Variants in CATSPERG observed in about 807,000 individuals in gnomAD.
CATSPERG encodes catsper channel auxiliary subunit gamma.
Under a neutral mutation model 145.0 loss-of-function variants are expected in CATSPERG, and 115 were observed. The observed-to-expected ratio is 0.79, with a 90% CI of 0.68 to 0.93. The LOEUF is 0.93. CATSPERG is among the 40% of genes least tolerant of loss of function. CATSPERG has a pLI of 0.00. For synonymous variants in CATSPERG, 588 were observed against 589.0 expected (o/e 1.00, Z 0.02); for missense variants, 1,296 against 1,490.1 (o/e 0.87, Z 2.14).
intron 1 of CATSPERG, chr19:38,336,148 A>G (rs766284596): frequency 1.1e-4 from 49 of 454,882 alleles, no homozygotes; most frequent in African/African-American, 8.2e-4. Context: ...ATGGCATGGG[A>G]AGGAAGAGTA....
At chr19:38,341,926 A>C (rs969079866) in intron 3 of CATSPERG, among the ~76,000 whole-genome samples, 8 of 151,812 alleles carry the variant, frequency 5.3e-5, no homozygotes, top group Admixed American at 2.0e-4. Context: ...AAAATAAAAA[A>C]ATTAGCCAGG....
Position 38,367,313 on chromosome 19 carries a change from G to GT in CATSPERG, c.2770+2dup, listed in dbSNP as rs1568383974. 6.2e-7 allele frequency: 1 copy of GT among 1,610,356 alleles called. No homozygotes were observed. The highest frequency in any genetic ancestry group is 1.7e-4 in the Middle Eastern group (1 of 6,058). On this transcript the variant is annotated splice_donor_variant, in intron 23 of 28. Coordinates refer to ENST00000409235, the MANE Select transcript of CATSPERG (RefSeq NM_021185.5). LOFTEE classifies it high-confidence loss of function. ...ATGCCCTGCTTTCTCTTCCGGGACA[G>GT]TGTGTGTCCAGTCCCTTCCCCTGCA...
intron 26 of CATSPERG, among the ~76,000 whole-genome samples, chr19:38,369,031 T>C (rs1970502724): frequency 1.3e-5 from 2 of 152,120 alleles, no homozygotes; most frequent in Non-Finnish European, 2.9e-5. Flanking sequence ...TAACATAGCA[T>C]GTATTGAATG....
intron 1 of CATSPERG, chr19:38,336,925 G>T (rs550554532): frequency 4.1e-4 from 200 of 490,456 alleles, no homozygotes; most frequent in Non-Finnish European, 6.1e-4. Flanking sequence ...GCAGAGGTGC[G>T]ATACCCACGA....
Position 38,354,829 on chromosome 19 carries a change from C to T in CATSPERG, c.1117C>T (p.His373Tyr), listed in dbSNP as rs1970214489. The T allele has an allele frequency of 6.2e-7, 1 of 1,614,066 alleles. No homozygotes were observed. Among genetic ancestry groups the T allele is most frequent in the African/African-American group, 1.3e-5 (1 of 75,024 alleles). ...CACGGGCAAGCATGAGGGTTATGTA[C>T]ACTTCGGGACCATCAGAGGTAAGGG... The part of the protein sequence containing the change: ...LTTGKHEGYV[H>Y]FGTIRDGQVS... The change falls in exon 9 of 29, where the codon CAC becomes TAC. Residue 373 changes from histidine (H) to tyrosine (Y), a missense_variant. Physicochemically the swap from His to Tyr is moderately conservative, Grantham distance 83. Coordinates refer to ENST00000409235, the MANE Select transcript of CATSPERG (RefSeq NM_021185.5).
At chr19:38,363,609 G>C (rs921636590) in intron 20 of CATSPERG, among the ~76,000 whole-genome samples, 1 of 151,586 alleles carries the variant, frequency 6.6e-6, no homozygotes, top group African/African-American at 2.4e-5. Flanking sequence ...GAGGACCCTG[G>C]GGCCTTCCGC....
At chr19:38,345,963 G>A (rs991251512) in intron 6 of CATSPERG, among the ~76,000 whole-genome samples, 4 of 152,182 alleles carry the variant, frequency 2.6e-5, no homozygotes, top group Admixed American at 2.0e-4. Flanking sequence ...ACACTCTAGT[G>A]GGGGAGACAG....
chr19:38,355,111 G>A (rs1970219721), intron 9 of CATSPERG, among the ~76,000 whole-genome samples: 1 of 152,114 alleles, frequency 6.6e-6, no homozygotes, highest in African/African-American at 2.4e-5. Context: ...TTGGGAGGCT[G>A]AGGCAGGCGG....
intron 9 of CATSPERG, among the ~76,000 whole-genome samples, chr19:38,355,906 T>G (rs1171319737): frequency 6.6e-6 from 1 of 152,168 alleles, no homozygotes; most frequent in Non-Finnish European, 1.5e-5. Flanking sequence ...ACACCTTCGC[T>G]GTGTGCCTCT....
chr19:38,355,231 G>C (rs750802019), intron 9 of CATSPERG, among the ~76,000 whole-genome samples: 25 of 152,038 alleles, frequency 1.6e-4, no homozygotes, highest in Admixed American at 3.3e-4. Context: ...TGTAATCCCA[G>C]CTATTCAGGA....
intron 22 of CATSPERG, 178 bp from the exon 23 acceptor site, chr19:38,366,978 G>GCCA: frequency 1.6e-6 from 1 of 607,550 alleles, no homozygotes; most frequent in South Asian, 2.2e-5. Context: ...ACAGGCATGA[G>GCCA]CCACTGCACC....
intron 17 of CATSPERG, 158 bp from the exon 18 acceptor site, chr19:38,362,052 C>G: frequency 2.0e-6 from 2 of 976,122 alleles, no homozygotes; most frequent in Non-Finnish European, 1.5e-6. Context: ...GGGGTGTGGC[C>G]GGGTTGAAAG....
chr19:38,337,732 T>C, intron 3 of CATSPERG, 86 bp downstream of exon 3: 8 of 1,285,160 alleles, frequency 6.2e-6, no homozygotes, highest in Non-Finnish European at 8.5e-6. Context: ...TTATTTTATT[T>C]TTTTGAGACG....
At position 38,354,724 on chromosome 19, in the gene CATSPERG, G is replaced by A. The variant is rs1386330000; in HGVS notation, c.1012G>A (p.Val338Ile). ...GACTTCACTAGGCAGTTGGATTCGTGTCCTGGCCAGCGAGTGCATCAAGAA... is the reference window on the plus strand; with the variant it reads ...GACTTCACTAGGCAGTTGGATTCGTATCCTGGCCAGCGAGTGCATCAAGAA... Reference protein sequence around the residue: ...RNRGSGSWIRVLASECIKKLC... With the variant: ...RNRGSGSWIRILASECIKKLC... Residue 338 changes from valine to isoleucine, a missense_variant, in exon 9 of 29, where the codon GTC becomes ATC. Coordinates refer to ENST00000409235, the MANE Select transcript of CATSPERG (RefSeq NM_021185.5). 1.2e-6 allele frequency: 2 copies of A among 1,614,168 alleles called. No individual in the cohort carries two copies.
At chr19:38,349,697 C>T (rs1047236304) in intron 7 of CATSPERG, 1 of 153,070 alleles carries the variant, frequency 6.5e-6, no homozygotes, top group Non-Finnish European at 1.5e-5. Flanking sequence ...CAGAGTCTCG[C>T]TCTGTTGCCC....
intron 20 of CATSPERG, among the ~76,000 whole-genome samples, chr19:38,363,761 CAG>C (rs1460482671): frequency 2.6e-5 from 4 of 152,124 alleles, no homozygotes; most frequent in Non-Finnish European, 5.9e-5. Context: ...GCACATGTTT[CAG>C]AGAGCACAGG....
chr19:38,340,214 TA>T (rs1265224244), intron 3 of CATSPERG, among the ~76,000 whole-genome samples: 1 of 151,896 alleles, frequency 6.6e-6, no homozygotes, highest in Non-Finnish European at 1.5e-5. Context: ...ATCAATTGAA[TA>T]TAAATATAAG....
chr19:38,346,574 AC>A lies in CATSPERG; in HGVS notation c.795del (p.Asp265GlufsTer12), dbSNP rs1356847472. The A allele has an allele frequency of 6.4e-7, 1 of 1,551,508 alleles. No individual in the cohort carries two copies. The highest frequency in any genetic ancestry group is 8.7e-7 in the Non-Finnish European group (1 of 1,146,824). On this transcript the variant is annotated frameshift_variant, in exon 7 of 29. Transcript: ENST00000409235. LOFTEE classifies it high-confidence loss of function. ...AATGAGAAGTACGTCCTGATGACTGACACCAGCTTCAAGGACTTCTCTCTCG... is the reference window on the plus strand; with the variant it reads ...AATGAGAAGTACGTCCTGATGACTGAACCAGCTTCAAGGACTTCTCTCTCG... ...IPNEKYVLMT[D>X]TSFKDFSLVE...
intron 11 of CATSPERG, among the ~76,000 whole-genome samples, 174 bp downstream of exon 11, chr19:38,357,035 A>G (rs2145093010): frequency 6.6e-6 from 1 of 152,276 alleles, no homozygotes; most frequent in Middle Eastern, 3.4e-3. Context: ...GTGATCTGAA[A>G]GGGCCCTGTG....
Sources: gnomAD v4.1 joint callset for allele counts (sites outside exome capture counted in the v4.1 genomes callset) on GRCh38, gnomAD v4.1.1 for gene constraint, MANE v1.5 for transcripts, NCBI Gene and HGNC (gene_info 2026-07-23, HGNC 2026-07-21) for gene names.